Variants in CSMD1 observed in about 807,000 individuals in gnomAD.
The protein encoded by CSMD1 is CUB and Sushi multiple domains 1, also known as CUB and sushi domain-containing protein 1.
A neutral mutation model predicts 417.5 loss-of-function variants in CSMD1; 213 were observed. That is an observed-to-expected ratio of 0.51 (90% confidence interval 0.46 to 0.57). The LOEUF is 0.57. Ranked by LOEUF, CSMD1 falls within the 20% of genes least tolerant of loss-of-function variation. CSMD1 has a pLI of 0.00. For missense variants in CSMD1, 6,923 were observed against 4,529.7 expected (o/e 1.53, Z -15.17); for synonymous variants, 2,862 against 1,736.8 (o/e 1.65, Z -16.11).
At chr8:4,353,938 T>A (rs968298121) in intron 3 of CSMD1, among the ~76,000 whole-genome samples, 4 of 152,166 alleles carry the variant, frequency 2.6e-5, no homozygotes, top group Non-Finnish European at 5.9e-5. Flanking sequence ...TGAGGTATAT[T>A]AGGGAACTTC....
intron 12 of CSMD1, among the ~76,000 whole-genome samples, chr8:3,411,937 TATATGC>T (rs1812780099): frequency 8.1e-6 from 1 of 122,812 alleles, no homozygotes; most frequent in Non-Finnish European, 1.7e-5. Context: ...TATACACGTA[TATATGC>T]ACGTATATAT....
At chr8:3,807,527 G>C (rs185285389) in intron 5 of CSMD1, among the ~76,000 whole-genome samples, 2 of 152,136 alleles carry the variant, frequency 1.3e-5, no homozygotes, top group Non-Finnish European at 1.5e-5. Context: ...AGCTTCAACA[G>C]ATACTAATGA....
chr8:3,662,183 C>G (rs1290488930), intron 7 of CSMD1, among the ~76,000 whole-genome samples: 1 of 152,198 alleles, frequency 6.6e-6, no homozygotes, highest in African/African-American at 2.4e-5. Flanking sequence ...AAGGTGTAAA[C>G]ATACAAAACT....
chr8:3,047,003 T>G (rs1410483775), intron 50 of CSMD1, among the ~76,000 whole-genome samples: 3 of 151,374 alleles, frequency 2.0e-5, no homozygotes, highest in Admixed American at 1.3e-4. Flanking sequence ...AAGTCAGGAG[T>G]TTGAGACCAG....
At chr8:3,011,477 A>C (rs1390689942) in intron 52 of CSMD1, among the ~76,000 whole-genome samples, 2 of 152,248 alleles carry the variant, frequency 1.3e-5, no homozygotes, top group Non-Finnish European at 2.9e-5. Context: ...TCTAAGAACT[A>C]TGAATAACTA....
intron 3 of CSMD1, among the ~76,000 whole-genome samples, chr8:4,414,445 C>G (rs944930092): frequency 6.6e-6 from 1 of 152,180 alleles, no homozygotes; most frequent in Non-Finnish European, 1.5e-5. Context: ...TTAATAAATA[C>G]TGATCCCTCA....
chr8:4,867,490 C>A (rs150505679), intron 1 of CSMD1, among the ~76,000 whole-genome samples: 1 of 152,222 alleles, frequency 6.6e-6, no homozygotes, highest in Admixed American at 6.5e-5. Context: ...GGCCAACACT[C>A]TTCCTATCCC....
At chr8:4,447,065 C>T (rs906402149) in intron 2 of CSMD1, among the ~76,000 whole-genome samples, 1 of 151,972 alleles carries the variant, frequency 6.6e-6, no homozygotes, top group Admixed American at 6.6e-5. Flanking sequence ...GGTCTGCGAG[C>T]CTAGCCTCAG....
intron 5 of CSMD1, among the ~76,000 whole-genome samples, chr8:3,989,655 T>G (rs1326093499): frequency 6.6e-6 from 1 of 152,254 alleles, no homozygotes; most frequent in Non-Finnish European, 1.5e-5. Context: ...TTATGATGTA[T>G]ATGTTTATTA....
chr8:4,809,717 A>T (rs1003998617), intron 1 of CSMD1, among the ~76,000 whole-genome samples: 5 of 152,248 alleles, frequency 3.3e-5, no homozygotes, highest in African/African-American at 1.2e-4. Flanking sequence ...TATCCAAAAC[A>T]TCTGTCATTT....
At chr8:4,631,703 T>G (rs896587140) in intron 2 of CSMD1, among the ~76,000 whole-genome samples, 2 of 152,250 alleles carry the variant, frequency 1.3e-5, no homozygotes, top group Admixed American at 1.3e-4. Flanking sequence ...GGAAAACCTA[T>G]TCTATTTTAA....
intron 5 of CSMD1, among the ~76,000 whole-genome samples, chr8:3,993,238 T>C (rs146121056): frequency 6.6e-6 from 1 of 152,296 alleles, no homozygotes; most frequent in East Asian, 1.9e-4. Context: ...GTAAAATGAA[T>C]TCAAAATAAT....
At chr8:4,271,745 C>G (rs1804612361) in intron 3 of CSMD1, among the ~76,000 whole-genome samples, 1 of 152,114 alleles carries the variant, frequency 6.6e-6, no homozygotes, top group Non-Finnish European at 1.5e-5. Flanking sequence ...GATTAATATA[C>G]TTATACATAT....
At chr8:4,032,799 T>C (rs1797415637) in intron 3 of CSMD1, among the ~76,000 whole-genome samples, 1 of 152,102 alleles carries the variant, frequency 6.6e-6, no homozygotes, top group South Asian at 2.1e-4. Context: ...AATAATAAAA[T>C]TCAAAGGCCG....
At chr8:3,535,850 G>A (rs191138101) in intron 10 of CSMD1, among the ~76,000 whole-genome samples, 25 of 152,240 alleles carry the variant, frequency 1.6e-4, no homozygotes, top group African/African-American at 4.8e-4. Flanking sequence ...ATGAAGTGTG[G>A]TATTTGGCCC....
chr8:4,238,545 C>T (rs927814753), intron 3 of CSMD1, among the ~76,000 whole-genome samples: 1 of 152,188 alleles, frequency 6.6e-6, no homozygotes, highest in Non-Finnish European at 1.5e-5. Flanking sequence ...GAGGTTGATT[C>T]TGCTGGTGAT....
chr8:3,556,994 G>A (rs558846783), intron 10 of CSMD1, among the ~76,000 whole-genome samples: 4 of 152,280 alleles, frequency 2.6e-5, no homozygotes, highest in African/African-American at 9.6e-5. Flanking sequence ...CCAGTCCTTT[G>A]CAGTATCCTC....
At chr8:4,836,294 C>T (rs7828120) in intron 1 of CSMD1, among the ~76,000 whole-genome samples, 131,474 of 152,038 alleles carry the variant, frequency 0.86, 58,224 homozygotes, top group East Asian at 0.98. Context: ...CCTTCTTCCC[C>T]TAAGATGTTA....
chr8:3,204,411 A>T (rs1030940084), intron 31 of CSMD1, among the ~76,000 whole-genome samples: 3 of 152,018 alleles, frequency 2.0e-5, no homozygotes, highest in Non-Finnish European at 4.4e-5. Flanking sequence ...AAAAAAAAAA[A>T]ATTATTTCAT....
Sources: gnomAD v4.1 joint callset for allele counts (sites outside exome capture counted in the v4.1 genomes callset) on GRCh38, gnomAD v4.1.1 for gene constraint, MANE v1.5 for transcripts, NCBI Gene and HGNC (gene_info 2026-07-23, HGNC 2026-07-21) for gene names.